Variants in MADD observed in about 807,000 individuals in gnomAD.
The protein encoded by MADD is MAP kinase activating death domain, also known as MAP kinase-activating death domain protein.
In MADD, 109 loss-of-function variants were observed where a neutral mutation model predicts 176.7. The observed-to-expected ratio is 0.62, with a 90% confidence interval of 0.53 to 0.72. MADD has a LOEUF of 0.72. Among genes scored for constraint, MADD ranks in the 30% least tolerant of loss-of-function variants. MADD has a pLI of 0.00. For missense variants in MADD, 1,914 were observed against 2,045.5 expected, an observed-to-expected ratio of 0.94 and a Z score of 1.24; for synonymous variants, 771 against 771.3, an observed-to-expected ratio of 1.00 and a Z score of 0.01.
At chr11:47,328,167 G>T in intron 31 of MADD, 6 of 1,039,050 alleles carry the variant, frequency 5.8e-6, no homozygotes, top group Non-Finnish European at 7.0e-6. Context: ...GACCCTCTGT[G>T]TAGGGGGCTG....
Position 47,277,720 on chromosome 11 carries a change from A to G in MADD, c.1096-445A>G, listed in dbSNP as rs2051637234. The stretch of plus-strand genomic sequence containing the variant: ...TGAACACAAACGCTGAGATTGTGTG[A>G]CAGTTGATCTGATAACCGAGATGGC... On this transcript the variant is annotated intron_variant, in intron 5 of 32. Coordinates refer to ENST00000402192, the Ensembl canonical transcript of MADD. Among the ~76,000 whole-genome samples, 3 of 152,218 alleles carry G rather than the reference A, an allele frequency of 2.0e-5. No homozygotes were observed. The South Asian group carries it at 6.2e-4, about 32-fold the overall frequency.
intron 26 of MADD, among the ~76,000 whole-genome samples, chr11:47,313,495 T>G (rs889123412): frequency 3.3e-5 from 5 of 151,522 alleles, no homozygotes; most frequent in African/African-American, 1.2e-4. Flanking sequence ...TTTTTTTTTT[T>G]TGTATTTTAA....
chr11:47,323,619 G>A, intron 27 of MADD, 52 bp from the exon 31 acceptor site: 1 of 1,590,100 alleles, frequency 6.3e-7, no homozygotes, highest in Non-Finnish European at 8.6e-7. Flanking sequence ...AACAGTCTAG[G>A]GAGAGGCTGT....
Position 47,309,277 on chromosome 11 carries a change from G to A in MADD, c.3752-4G>A, listed in dbSNP as rs752886243. On this transcript the variant is annotated splice_region_variant and splice_polypyrimidine_tract_variant and intron_variant, in intron 23 of 32. Transcript: ENST00000402192. ...GCCCCCTAAGAAACCTTTATTCTAT[G>A]CAGGCAAAGAGCGTTCTACTTTATG... The A allele has an allele frequency of 1.2e-5, 19 of 1,612,952 alleles. No individual in the cohort carries two copies. The highest frequency in any genetic ancestry group is 1.6e-5 in the Non-Finnish European group (19 of 1,179,700).
intron 6 of MADD, 132 bp from the exon 7 acceptor site, chr11:47,278,867 C>G (rs2053316527): frequency 1.5e-6 from 1 of 649,352 alleles, no homozygotes; most frequent in African/African-American, 1.8e-5. Context: ...ATATATCTTA[C>G]TGTGCAGTTA....
chr11:47,286,904 A>G (rs1223022601), intron 15 of MADD, among the ~76,000 whole-genome samples: 4 of 152,138 alleles, frequency 2.6e-5, no homozygotes, highest in Admixed American at 6.5e-5. Context: ...CCACCAGAGA[A>G]TGGTTATGGA....
At chr11:47,320,568 T>C (rs1298915685) in intron 27 of MADD, among the ~76,000 whole-genome samples, 1 of 152,190 alleles carries the variant, frequency 6.6e-6, no homozygotes, top group Non-Finnish European at 1.5e-5. Context: ...GGAGGATTGC[T>C]TGAGCCCAGA....
intron 7 of MADD, among the ~76,000 whole-genome samples, chr11:47,279,293 A>G (rs543648940): frequency 3.9e-5 from 6 of 152,034 alleles, no homozygotes; most frequent in African/African-American, 1.2e-4. Context: ...ACCATCTTCT[A>G]ATGCTTATGA....
At chr11:47,290,299 G>C in exon 18 of MADD, 3 of 1,613,542 alleles carry the variant, frequency 1.9e-6, no homozygotes, top group Non-Finnish European at 2.5e-6. Flanking sequence ...CTATAGTAAA[G>C]GTAGGGATCG....
In MADD at chr11:47,316,826, C is replaced by T. The variant is rs188061814; in HGVS notation, c.4197+1499C>T. 3.9e-5 allele frequency among the ~76,000 whole-genome samples: 6 copies of T among 152,192 alleles called. No individual in the cohort carries two copies. In the East Asian group the frequency reaches 9.7e-4, roughly 25 times the overall value. On this transcript the variant is annotated intron_variant, in intron 27 of 32. Transcript: ENST00000402192. ...TGGTCCAAACTCAGCTCACTGCAAC[C>T]TCTGCCCCTTGGGTTCAAGTGATTC...
chr11:47,273,615 CG>C (rs1409190366), intron 1 of MADD, among the ~76,000 whole-genome samples: 2 of 138,778 alleles, frequency 1.4e-5, no homozygotes, highest in East Asian at 4.0e-4. Context: ...GGATTACAGG[CG>C]TGAGCCACCA....
chr11:47,328,667 T>C, exon 32 of MADD: 1 of 1,614,206 alleles, frequency 6.2e-7, no homozygotes, highest in South Asian at 1.1e-5. Context: ...GTTCCTGAAA[T>C]TAAAGAAGTG....
intron 32 of MADD, 130 bp downstream of exon 36, chr11:47,328,834 C>A: frequency 8.1e-7 from 1 of 1,236,134 alleles, no homozygotes; most frequent in Non-Finnish European, 1.2e-6. Context: ...GCCAAAGGTT[C>A]AACTCAGGCT....
In MADD at chr11:47,288,859, T is replaced by G. The variant is rs555915907; in HGVS notation, c.2654-532T>G. The G allele has an allele frequency of 1.3e-5, 11 of 832,124 alleles. No individual in the cohort carries two copies. The East Asian group carries it at 3.0e-4, about 23-fold the overall frequency. The allele number at this position is 832,124 out of a possible 1,614,324, so 51.5% of individuals were successfully genotyped here. A position where few individuals can be genotyped will look rare whatever the true frequency, so the allele number is the denominator to read the frequency against. ...GCCCAAGAACCAAGGTTATGTGCATTCCTCAAGCTTTGGGAGAATGCTCAG... is the reference window on the plus strand; with the variant it reads ...GCCCAAGAACCAAGGTTATGTGCATGCCTCAAGCTTTGGGAGAATGCTCAG... On this transcript the variant is annotated intron_variant, in intron 15 of 32. Transcript: ENST00000402192.
chr11:47,294,907 C>G (rs1195137675), intron 20 of MADD, among the ~76,000 whole-genome samples: 1 of 152,018 alleles, frequency 6.6e-6, no homozygotes, highest in Non-Finnish European at 1.5e-5. Flanking sequence ...ATACTAAAAA[C>G]AGTGGTTAAC....
exon 30 of MADD, chr11:47,324,509 A>G: frequency 6.2e-7 from 1 of 1,614,072 alleles, no homozygotes; most frequent in South Asian, 1.1e-5. Flanking sequence ...GCAGGACCTG[A>G]AGACTGGTGA....
At chr11:47,285,331 A>G in intron 13 of MADD, 120 bp from the exon 14 acceptor site, 1 of 1,553,728 alleles carries the variant, frequency 6.4e-7, no homozygotes, top group East Asian at 2.2e-5. Context: ...TGGTGTTCTG[A>G]TCCAGGGGCT....
At chr11:47,276,761 A>G in exon 5 of MADD, 1 of 1,613,932 alleles carries the variant, frequency 6.2e-7, no homozygotes, top group Non-Finnish European at 8.5e-7. Context: ...ACTACAATGC[A>G]CTCTCCATGT....
Position 47,285,736 on chromosome 11 carries a change from A to G in MADD, c.2551+146A>G, listed in dbSNP as rs986277465. 4 of 1,122,314 alleles carry G rather than the reference A, an allele frequency of 3.6e-6. No homozygotes were observed. In the African/African-American group the frequency reaches 6.2e-5, roughly 17 times the overall value. The allele number at this position is 1,122,314 out of a possible 1,614,324, so 69.5% of individuals were successfully genotyped here. ...AATCCAGTCATTTGGGTGATACTGA[A>G]TAAGGCGTTTTCAAGTGAGGTCAGT... On this transcript the variant is annotated intron_variant, in intron 14 of 32. Transcript: ENST00000402192.
Sources: gnomAD v4.1 joint callset for allele counts (sites outside exome capture counted in the v4.1 genomes callset) on GRCh38, gnomAD v4.1.1 for gene constraint, MANE v1.5 for transcripts, NCBI Gene and HGNC (gene_info 2026-07-23, HGNC 2026-07-21) for gene names.